ANKRD12: variants seen among roughly 807,000 people sequenced by gnomAD.
ANKRD12 encodes the protein ankyrin repeat domain 12.
Under a neutral mutation model 183.4 loss-of-function variants are expected in ANKRD12, and 85 were observed. The observed-to-expected ratio is 0.46, with a 90% confidence interval of 0.39 to 0.56. The LOEUF is 0.56. ANKRD12 is among the 20% of genes least tolerant of loss of function. ANKRD12 has a pLI of 0.00. For synonymous variants in ANKRD12, 914 were observed against 800.2 expected (o/e 1.14, Z -2.40); for missense variants, 2,405 against 2,357.1 (o/e 1.02, Z -0.42).
At chr18:9,195,184 G>T (rs1333289146) in intron 2 of ANKRD12, among the ~76,000 whole-genome samples, 2 of 152,150 alleles carry the variant, frequency 1.3e-5, no homozygotes, top group Admixed American at 1.3e-4. Context: ...TTACTTGAGG[G>T]TGGAGGGTGG....
intron 8 of ANKRD12, among the ~76,000 whole-genome samples, chr18:9,243,228 T>C (rs2037760903): frequency 6.6e-6 from 1 of 152,182 alleles, no homozygotes; most frequent in African/African-American, 2.4e-5. Flanking sequence ...AGCCACTCAA[T>C]AGGAGACATA....
At chr18:9,166,056 T>G (rs1471504725) in intron 1 of ANKRD12, among the ~76,000 whole-genome samples, 1 of 152,076 alleles carries the variant, frequency 6.6e-6, no homozygotes, top group Non-Finnish European at 1.5e-5. Context: ...GAACTCATCA[T>G]TTTTTATGGC....
At chr18:9,144,267 A>T (rs1268764236) in intron 1 of ANKRD12, among the ~76,000 whole-genome samples, 1 of 152,212 alleles carries the variant, frequency 6.6e-6, no homozygotes, top group Non-Finnish European at 1.5e-5. Flanking sequence ...TAAAAAGGTT[A>T]TTAATTCTCC....
intron 2 of ANKRD12, among the ~76,000 whole-genome samples, chr18:9,191,950 A>T (rs1257730376): frequency 1.3e-5 from 2 of 152,152 alleles, no homozygotes; most frequent in Admixed American, 6.5e-5. Flanking sequence ...ACCCTGCTTC[A>T]CACTTTTTTT....
chr18:9,198,559 A>G (rs2034978796), intron 3 of ANKRD12, among the ~76,000 whole-genome samples: 1 of 152,028 alleles, frequency 6.6e-6, no homozygotes, highest in Non-Finnish European at 1.5e-5. Flanking sequence ...AATGATAACT[A>G]TTATTATTTT....
intron 3 of ANKRD12, among the ~76,000 whole-genome samples, chr18:9,201,680 T>C (rs2035176290): frequency 6.6e-6 from 1 of 152,212 alleles, no homozygotes; most frequent in Non-Finnish European, 1.5e-5. Flanking sequence ...AAATCTGATG[T>C]TCTGTAGAGA....
At chr18:9,218,029 C>G (rs1161167464) in intron 7 of ANKRD12, among the ~76,000 whole-genome samples, 1 of 152,084 alleles carries the variant, frequency 6.6e-6, no homozygotes, top group Non-Finnish European at 1.5e-5. Context: ...TACTTTCTGG[C>G]TTTGATATTT....
intron 10 of ANKRD12, among the ~76,000 whole-genome samples, chr18:9,271,262 G>T (rs1371675682): frequency 3.3e-5 from 5 of 152,116 alleles, no homozygotes; most frequent in Admixed American, 3.3e-4. Flanking sequence ...TTTTTGCCAG[G>T]TGTGGTGGCT....
At chr18:9,227,846 C>G (rs1000676874) in intron 8 of ANKRD12, among the ~76,000 whole-genome samples, 27 of 152,118 alleles carry the variant, frequency 1.8e-4, no homozygotes, top group African/African-American at 6.3e-4. Flanking sequence ...TTGAAATATA[C>G]ATAATACTGT....
At chr18:9,228,093 T>C (rs1420335895) in intron 8 of ANKRD12, among the ~76,000 whole-genome samples, 1 of 152,158 alleles carries the variant, frequency 6.6e-6, no homozygotes, top group Non-Finnish European at 1.5e-5. Flanking sequence ...ATTCCATCCA[T>C]GTTGCTGCAA....
chr18:9,219,891 A>G (rs190561044), intron 7 of ANKRD12, among the ~76,000 whole-genome samples: 48 of 152,308 alleles, frequency 3.2e-4, no homozygotes, highest in African/African-American at 1.1e-3. Context: ...CAGCCCAGTA[A>G]TTGCTCCTCT....
At chr18:9,188,883 C>T (rs1341707536) in intron 2 of ANKRD12, among the ~76,000 whole-genome samples, 1 of 152,214 alleles carries the variant, frequency 6.6e-6, no homozygotes, top group African/African-American at 2.4e-5. Context: ...CCTCCTTGGG[C>T]CTTCCTATTT....
At chr18:9,231,414 G>A (rs556179901) in intron 8 of ANKRD12, among the ~76,000 whole-genome samples, 1 of 152,046 alleles carries the variant, frequency 6.6e-6, no homozygotes, top group African/African-American at 2.4e-5. Context: ...TGTAAATCTG[G>A]GTACTGCAGT....
At chr18:9,167,402 G>T (rs1180102517) in intron 1 of ANKRD12, among the ~76,000 whole-genome samples, 3 of 152,132 alleles carry the variant, frequency 2.0e-5, no homozygotes, top group Non-Finnish European at 4.4e-5. Flanking sequence ...TTGAGCAGTG[G>T]TTTGTAGTTC....
rs181573286 is a variant in ANKRD12, at chr18:9,246,394, T to C, written c.944-7817T>C. On this transcript the variant is annotated intron_variant, in intron 8 of 12. Transcript: ENST00000262126. ...AATATTAGATACAAGAAAATAAGTATCGTGTTTCACTCTACTTCTTCTTTG... is the reference window on the plus strand; with the variant it reads ...AATATTAGATACAAGAAAATAAGTACCGTGTTTCACTCTACTTCTTCTTTG... 3.3e-5 allele frequency among the ~76,000 whole-genome samples: 5 copies of C among 152,288 alleles called. No homozygotes were observed. The East Asian group carries it at 9.6e-4, about 29-fold the overall frequency.
At chr18:9,262,849 A>AACC (rs1026435968) in intron 9 of ANKRD12, among the ~76,000 whole-genome samples, 9 of 117,714 alleles carry the variant, frequency 7.6e-5, no homozygotes, top group African/African-American at 3.0e-4. Flanking sequence ...CCCAGGCTGG[A>AACC]ATGCAGTGGC....
At chr18:9,276,582 G>A (rs2039846133) in intron 11 of ANKRD12, among the ~76,000 whole-genome samples, 1 of 151,958 alleles carries the variant, frequency 6.6e-6, no homozygotes, top group African/African-American at 2.4e-5. Flanking sequence ...GGTGTGGTGG[G>A]GCACACATGT....
intron 10 of ANKRD12, among the ~76,000 whole-genome samples, chr18:9,271,271 C>G (rs552102788): frequency 6.6e-6 from 1 of 152,124 alleles, no homozygotes; most frequent in Non-Finnish European, 1.5e-5. Context: ...GGTGTGGTGG[C>G]TCATGCCTGT....
At chr18:9,170,080 C>G (rs2032535227) in intron 1 of ANKRD12, among the ~76,000 whole-genome samples, 1 of 152,248 alleles carries the variant, frequency 6.6e-6, no homozygotes, top group South Asian at 2.1e-4. Context: ...GCCGAGAGAT[C>G]AGCTGTTAGT....
Sources: allele counts gnomAD v4.1 joint callset (sites outside exome capture counted in the v4.1 genomes callset), GRCh38; gene constraint gnomAD v4.1.1; transcripts MANE v1.5; gene names NCBI Gene and HGNC (gene_info 2026-07-23, HGNC 2026-07-21).